AATK: variants seen among roughly 807,000 people sequenced by gnomAD.
AATK encodes the protein serine/threonine-protein kinase LMTK1.
A neutral mutation model predicts 114.3 loss-of-function variants in AATK; 91 were observed. The observed-to-expected ratio is 0.80, with a 90% CI of 0.67 to 0.95. AATK has a LOEUF of 0.95. AATK is among the 40% of genes least tolerant of loss of function. AATK has a pLI of 0.00. For synonymous variants in AATK, 1,075 were observed against 916.5 expected (o/e 1.17, Z -3.12); for missense variants, 2,176 against 1,965.2 (o/e 1.11, Z -2.03).
chr17:81,126,952 C>T lies in AATK; in HGVS notation c.622-392G>A, dbSNP rs144109369. ...GGACGGTCAACGTCAGGAGTCCAGA[C>T]GCCAGTGTGTGAGGGCCCCTGTCCC... On this transcript the variant is annotated intron_variant, in intron 6 of 13. Transcript: ENST00000326724. The surrounding 1 kb of genome is among the most constrained non-coding windows in gnomAD (Gnocchi z 5.1). The T allele has an allele frequency of 3.3e-4, 219 of 662,732 alleles. No individual in the cohort carries two copies. In the East Asian group the frequency reaches 0.015, roughly 45 times the overall value. The allele number at this position is 662,732 out of a possible 1,614,324, so 41.1% of individuals were successfully genotyped here.
chr17:81,146,415 A>T (rs28627086), intron 1 of AATK, among the ~76,000 whole-genome samples: 27 of 151,756 alleles, frequency 1.8e-4, no homozygotes, highest in African/African-American at 6.5e-4. Context: ...CAAATGAGGA[A>T]ATACAAATTG....
At chr17:81,159,967 G>A (rs190475822) in intron 1 of AATK, among the ~76,000 whole-genome samples, 62 of 152,262 alleles carry the variant, frequency 4.1e-4, no homozygotes, top group Middle Eastern at 3.4e-3. Flanking sequence ...CACCCTCCCC[G>A]AGGGTGAGAT....
rs113124233 is a variant in AATK, at chr17:81,122,435, G to T, written c.1501C>A (p.Arg501Ser). ...PATLSPGRTA[R>S]LQELCAPDGA... ...TCGGGGGCGCACAGCTCCTGCAGGC[G>T]TGCGGTGCGGCCAGGGCTCAGCGTG... is the stretch of plus-strand genomic sequence containing the variant. The change falls in exon 11 of 14, where the codon CGC (arginine) becomes AGC (serine). Residue 501 changes from arginine to serine, a missense_variant. This residue lies in a region of AATK where 1,701 missense variants were observed against 1,394.7 expected (regional missense o/e 1.22). Coordinates refer to ENST00000326724, the MANE Select transcript of AATK (RefSeq NM_001080395.3). The T allele has an allele frequency of 2.1e-6, 3 of 1,454,560 alleles. No homozygotes were observed. Among genetic ancestry groups the T allele is most frequent in the Admixed American group, 2.5e-5 (1 of 40,774 alleles). The allele number at this position is 1,454,560 out of a possible 1,614,324, so 90.1% of individuals were successfully genotyped here. A position where few individuals can be genotyped will look rare whatever the true frequency, so the allele number is the denominator to read the frequency against.
chr17:81,125,384 G>A (rs766310335), intron 7 of AATK: 7 of 565,724 alleles, frequency 1.2e-5, no homozygotes, highest in Admixed American at 2.0e-5. Flanking sequence ...TATCACTCTC[G>A]GCTCCCCAGG....
At chr17:81,141,190 C>T (rs573886363) in intron 1 of AATK, among the ~76,000 whole-genome samples, 2 of 152,172 alleles carry the variant, frequency 1.3e-5, no homozygotes, top group African/African-American at 4.8e-5. Context: ...GTGGCTCACA[C>T]CTGTAATCCC....
intron 4 of AATK, 94 bp from the exon 5 acceptor site, chr17:81,128,004 C>CCAGGA: frequency 6.8e-7 from 1 of 1,469,582 alleles, no homozygotes; most frequent in Non-Finnish European, 9.2e-7. Context: ...ACGCCGGCCC[C>CCAGGA]CAGGACAGGA....
intron 1 of AATK, among the ~76,000 whole-genome samples, chr17:81,151,763 A>G (rs1369525859): frequency 6.6e-6 from 1 of 152,238 alleles, no homozygotes; most frequent in Non-Finnish European, 1.5e-5. Flanking sequence ...CGTGTTAGGC[A>G]GAGCTGGGAC....
At chr17:81,146,175 C>T (rs959736977) in intron 1 of AATK, among the ~76,000 whole-genome samples, 9 of 140,328 alleles carry the variant, frequency 6.4e-5, no homozygotes, top group Admixed American at 3.8e-4. Flanking sequence ...GGCAAGAGAG[C>T]GAGACTCCAT....
intron 1 of AATK, among the ~76,000 whole-genome samples, chr17:81,144,922 T>G (rs74972637): frequency 0.018 from 2,724 of 152,244 alleles, 93 homozygotes; most frequent in African/African-American, 0.061. Flanking sequence ...ACGCAGAGGA[T>G]TCCACACTCC....
chr17:81,148,811 C>T (rs1025568465), intron 1 of AATK, among the ~76,000 whole-genome samples: 55 of 152,178 alleles, frequency 3.6e-4, no homozygotes, highest in African/African-American at 1.3e-3. Flanking sequence ...CACACTCACG[C>T]GCACACTCAC....
At chr17:81,133,654 G>A (rs534828119) in intron 2 of AATK, among the ~76,000 whole-genome samples, 1 of 152,308 alleles carries the variant, frequency 6.6e-6, no homozygotes, top group East Asian at 1.9e-4. Flanking sequence ...TGCTGGCCGG[G>A]GTTCCTTCTG....
chr17:81,121,920 G>A lies in AATK; in HGVS notation c.2016C>T (p.Ala672=), dbSNP rs374945846. ...TGGAGCGCCAGTGCCCGCGCTGGGC[G>A]GCCCTCCGCGCTCCCACCTCCTCTA... ...DELEEVGARR[A]AQRGHWRSNV... Residue 672 remains alanine, a synonymous_variant, in exon 11 of 14, where the codon GCC becomes GCT. Coordinates refer to ENST00000326724, the MANE Select transcript of AATK (RefSeq NM_001080395.3). 8.5e-5 allele frequency: 136 copies of A among 1,600,364 alleles called. No individual in the cohort carries two copies. Among genetic ancestry groups the A allele is most frequent in the Middle Eastern group, 6.6e-4 (4 of 6,060 alleles).
In AATK at chr17:81,125,108, G is replaced by A. The variant is rs538383370; in HGVS notation, c.756-94C>T. On this transcript the variant is annotated intron_variant, in intron 7 of 13. Transcript: ENST00000326724. ...GGAGGGTCAGTGGGGTGTGCCGGGCGGGGGCATCCAGCACAGGGTCCTTTG... is the reference window on the plus strand; with the variant it reads ...GGAGGGTCAGTGGGGTGTGCCGGGCAGGGGCATCCAGCACAGGGTCCTTTG... 3.1e-4 allele frequency: 275 copies of A among 893,602 alleles called. 1 individual carries two copies. In the African/African-American group the frequency reaches 3.7e-3, roughly 12 times the overall value. The allele number at this position is 893,602 out of a possible 1,614,324, so 55.4% of individuals were successfully genotyped here. A position where few individuals can be genotyped will look rare whatever the true frequency, so the allele number is the denominator to read the frequency against.
chr17:81,124,671 G>A, intron 9 of AATK, 56 bp downstream of exon 9: 1 of 1,594,016 alleles, frequency 6.3e-7, no homozygotes, highest in East Asian at 2.2e-5. Flanking sequence ...TTTGACATGG[G>A]TGGGCAGGTG....
intron 1 of AATK, among the ~76,000 whole-genome samples, chr17:81,156,421 C>T (rs1016628011): frequency 1.3e-5 from 2 of 151,976 alleles, no homozygotes; most frequent in African/African-American, 2.4e-5. Flanking sequence ...GTTTTTGAGA[C>T]AGAGTCTTGC....
intron 1 of AATK, among the ~76,000 whole-genome samples, chr17:81,147,247 G>A (rs1598962293): frequency 6.6e-6 from 1 of 151,690 alleles, no homozygotes; most frequent in African/African-American, 2.4e-5. Flanking sequence ...TGTAGTCCCA[G>A]CTACTCGGGA....
rs1568222919 is a variant in AATK, at chr17:81,122,835, T to C, written c.1113-12A>G. The C allele has an allele frequency of 1.0e-5, 15 of 1,475,640 alleles. No homozygotes were observed. The highest frequency in any genetic ancestry group is 1.4e-5 in the Non-Finnish European group (15 of 1,106,908). The allele number at this position is 1,475,640 out of a possible 1,614,324, so 91.4% of individuals were successfully genotyped here. On this transcript the variant is annotated splice_polypyrimidine_tract_variant and intron_variant, in intron 10 of 13. Transcript: ENST00000326724. ...GCATCACCTCGTACCTGCGAGGAGG[T>C]CCCCCGGGGGCCACGTCAGAGGCAA...
In AATK at chr17:81,120,852, C is replaced by A; in HGVS notation, c.3084G>T (p.Pro1028=). 1 of 1,578,812 alleles carries A rather than the reference C, an allele frequency of 6.3e-7. No individual in the cohort carries two copies. Among genetic ancestry groups the A allele is most frequent in the Non-Finnish European group, 8.6e-7 (1 of 1,162,626 alleles). The change falls in exon 11 of 14, where the codon CCG becomes CCT. Residue 1028 remains proline, a synonymous_variant. Coordinates refer to ENST00000326724, the MANE Select transcript of AATK (RefSeq NM_001080395.3). ...CCTGCTCAGACGGCTGCCCAGTGCT[C>A]GGCAGGCCCAGCTCTGGCCCGGGGG... ...DRAPGPELGL[P]STGQPSEQVC... is the part of the protein sequence containing the mutation.
chr17:81,120,310 C>A lies in AATK; in HGVS notation c.3626G>T (p.Ser1209Ile). The change falls in exon 11 of 14, where the codon AGC becomes ATC. Residue 1209 changes from serine to isoleucine, a missense_variant. Ser to Ile is a moderately radical substitution (Grantham distance 142). This residue lies in a region of AATK where 1,701 missense variants were observed against 1,394.7 expected (regional missense o/e 1.22). Transcript: ENST00000326724. ...AESQSARNLR[S>I]LLKMPSLLSE... Reference sequence around the variant, plus strand: ...CAGCAGGCTGGGCATCTTGAGCAGGCTGCGCAGGTTGCGCGCGCTCTGGCT... The same window carrying A: ...CAGCAGGCTGGGCATCTTGAGCAGGATGCGCAGGTTGCGCGCGCTCTGGCT... The A allele has an allele frequency of 6.2e-7, 1 of 1,610,630 alleles. No homozygotes were observed.
Sources: gnomAD v4.1 joint callset for allele counts (sites outside exome capture counted in the v4.1 genomes callset) on GRCh38, gnomAD v4.1.1 for gene constraint, gnomAD v4.1.1 regional missense constraint, Gnocchi (gnomAD v3.1) non-coding constraint, MANE v1.5 for transcripts, NCBI Gene and HGNC (gene_info 2026-07-23, HGNC 2026-07-21) for gene names.